Variants in PITPNC1 observed in about 807,000 individuals in gnomAD.
PITPNC1 encodes phosphatidylinositol transfer protein cytoplasmic 1.
PITPNC1 carries 18 observed loss-of-function variants against 44.7 expected under a neutral mutation model. That is an observed-to-expected ratio of 0.40 (90% confidence interval 0.28 to 0.60). The LOEUF is 0.60. Among genes scored for constraint, PITPNC1 ranks in the 20% least tolerant of loss-of-function variants. The pLI, the probability that PITPNC1 is intolerant of heterozygous loss-of-function variation, is 0.39. For synonymous variants in PITPNC1, 141 were observed against 149.6 expected (o/e 0.94, Z 0.42); for missense variants, 290 against 418.4 (o/e 0.69, Z 2.68).
At chr17:67,653,282 A>T in intron 6 of PITPNC1, among the ~76,000 whole-genome samples, 1 of 152,110 alleles carries the variant, frequency 6.6e-6, no homozygotes, top group Non-Finnish European at 1.5e-5. Context: ...AAGAAAAAAA[A>T]GGTTGGGGGG....
chr17:67,617,649 G>C (rs1222965541), intron 5 of PITPNC1, among the ~76,000 whole-genome samples: 1 of 152,160 alleles, frequency 6.6e-6, no homozygotes, highest in African/African-American at 2.4e-5. Flanking sequence ...TCAAGGTCAG[G>C]CTCTTGGGGA....
intron 1 of PITPNC1, among the ~76,000 whole-genome samples, chr17:67,494,993 A>G (rs569411236): frequency 6.7e-6 from 1 of 149,544 alleles, no homozygotes; most frequent in African/African-American, 2.4e-5. Flanking sequence ...AAAAACAGCA[A>G]CAACAACAAG....
At position 67,567,143 on chromosome 17, in the gene PITPNC1, AG is replaced by A. The variant is rs200935949; in HGVS notation, c.295-11041del. On this transcript the variant is annotated intron_variant, in intron 4 of 8. Transcript: ENST00000581322. ...TCACTGGACATGTGGAATGTTGGCCAGGTCTCCTTTGGATTGTCATTTTGAC... is the reference window on the plus strand; with the variant it reads ...TCACTGGACATGTGGAATGTTGGCCAGTCTCCTTTGGATTGTCATTTTGAC... 3.9e-3 allele frequency among the ~76,000 whole-genome samples: 594 copies of A among 152,316 alleles called. 7 individuals are homozygous for A. The highest frequency in any genetic ancestry group is 0.013 in the African/African-American group (558 of 41,554).
At position 67,561,044 on chromosome 17, in the gene PITPNC1, A is replaced by G. The variant is rs577260641; in HGVS notation, c.294+7427A>G. Among the ~76,000 whole-genome samples the G allele has an allele frequency of 1.3e-3, 200 of 152,200 alleles. 1 individual carries two copies. Among genetic ancestry groups the G allele is most frequent in the Non-Finnish European group, 1.9e-3 (130 of 68,042 alleles). ...TACAAATGTCTGTGGAGTTGTGTTCAGCTCAGTTGTTGAGATCTGCAGAAT... is the reference window on the plus strand; with the variant it reads ...TACAAATGTCTGTGGAGTTGTGTTCGGCTCAGTTGTTGAGATCTGCAGAAT... On this transcript the variant is annotated intron_variant, in intron 4 of 8. Coordinates refer to ENST00000581322, the MANE Select transcript of PITPNC1 (RefSeq NM_012417.4).
At chr17:67,647,474 T>TTTTTG (rs2042164025) in intron 6 of PITPNC1, among the ~76,000 whole-genome samples, 1 of 99,132 alleles carries the variant, frequency 1.0e-5, no homozygotes, top group African/African-American at 5.4e-5. Context: ...GTTTTTTTTT[T>TTTTTG]TTTTTTTTTT....
intron 7 of PITPNC1, among the ~76,000 whole-genome samples, chr17:67,671,617 A>G (rs114036854): frequency 0.015 from 2,254 of 152,280 alleles, 53 homozygotes; most frequent in African/African-American, 0.052. Context: ...TGGCACAAAC[A>G]TGAGAGCCCT....
chr17:67,442,313 A>T (rs2037708794), intron 1 of PITPNC1, among the ~76,000 whole-genome samples: 1 of 146,390 alleles, frequency 6.8e-6, no homozygotes, highest in African/African-American at 2.5e-5. Context: ...ACAATGAAAA[A>T]AAAAGTTGAC....
intron 1 of PITPNC1, among the ~76,000 whole-genome samples, chr17:67,396,669 C>G (rs752936930): frequency 6.6e-6 from 1 of 151,558 alleles, no homozygotes; most frequent in Non-Finnish European, 1.5e-5. Flanking sequence ...CACACCTGGC[C>G]TTATTTTTAT....
At chr17:67,515,412 A>G (rs2040247412) in intron 1 of PITPNC1, among the ~76,000 whole-genome samples, 1 of 152,196 alleles carries the variant, frequency 6.6e-6, no homozygotes, top group Admixed American at 6.5e-5. Flanking sequence ...CTGAATGTAT[A>G]TCATTAGGAT....
At chr17:67,511,600 C>T (rs2040185409) in intron 1 of PITPNC1, among the ~76,000 whole-genome samples, 1 of 152,186 alleles carries the variant, frequency 6.6e-6, no homozygotes, top group Non-Finnish European at 1.5e-5. Context: ...CCTCTGCCTC[C>T]TGAGTTCAAG....
intron 5 of PITPNC1, among the ~76,000 whole-genome samples, chr17:67,581,861 C>T (rs111846335): frequency 3.9e-4 from 59 of 152,166 alleles, no homozygotes; most frequent in African/African-American, 1.2e-3. Context: ...GGCGAAACCT[C>T]GTCTCTACTA....
intron 4 of PITPNC1, among the ~76,000 whole-genome samples, chr17:67,571,446 G>A (rs1030333034): frequency 2.6e-5 from 4 of 152,190 alleles, no homozygotes; most frequent in Non-Finnish European, 5.9e-5. Context: ...AAAGAAAAGA[G>A]AAGAGAAGAA....
chr17:67,623,633 C>T (rs1399413237), intron 5 of PITPNC1, among the ~76,000 whole-genome samples: 1 of 152,206 alleles, frequency 6.6e-6, no homozygotes, highest in Non-Finnish European at 1.5e-5. Flanking sequence ...ATCCACCTGC[C>T]TTGGCCTCCC....
intron 1 of PITPNC1, among the ~76,000 whole-genome samples, chr17:67,423,580 T>G (rs922446154): frequency 6.6e-6 from 1 of 152,220 alleles, no homozygotes; most frequent in African/African-American, 2.4e-5. Flanking sequence ...CATGCCTCAC[T>G]GCAACCATGC....
At chr17:67,437,968 C>T (rs1261128544) in intron 1 of PITPNC1, among the ~76,000 whole-genome samples, 1 of 151,748 alleles carries the variant, frequency 6.6e-6, no homozygotes, top group Non-Finnish European at 1.5e-5. Flanking sequence ...GCTGGGGAGG[C>T]CAAGGCAGAG....
intron 8 of PITPNC1, among the ~76,000 whole-genome samples, chr17:67,687,403 T>G (rs1035409700): frequency 6.6e-5 from 10 of 152,180 alleles, no homozygotes; most frequent in Non-Finnish European, 1.3e-4. Context: ...TGGAGGTTAT[T>G]TCGGTCATAA....
At chr17:67,537,121 A>G (rs1308819780) in intron 2 of PITPNC1, among the ~76,000 whole-genome samples, 1 of 152,250 alleles carries the variant, frequency 6.6e-6, no homozygotes. Flanking sequence ...AAATTGATGA[A>G]ATTAACATTT....
intron 6 of PITPNC1, among the ~76,000 whole-genome samples, chr17:67,644,372 C>G (rs1442680809): frequency 1.3e-5 from 2 of 150,814 alleles, no homozygotes; most frequent in Non-Finnish European, 2.9e-5. Flanking sequence ...CAGGAGTGAA[C>G]AGATACAACA....
chr17:67,550,383 C>T (rs957445740), intron 2 of PITPNC1, among the ~76,000 whole-genome samples: 1 of 150,794 alleles, frequency 6.6e-6, no homozygotes, highest in Non-Finnish European at 1.5e-5. Context: ...ACTGAGAGTC[C>T]ATCTTTGTGT....
Sources: gnomAD v4.1 joint callset for allele counts (sites outside exome capture counted in the v4.1 genomes callset) on GRCh38, gnomAD v4.1.1 for gene constraint, MANE v1.5 for transcripts, NCBI Gene and HGNC (gene_info 2026-07-23, HGNC 2026-07-21) for gene names.